RBFOX1: variants seen among roughly 807,000 people sequenced by gnomAD.
RBFOX1 encodes RNA binding fox-1 homolog 1.
Under a neutral mutation model 57.7 loss-of-function variants are expected in RBFOX1, and 8 were observed. The observed-to-expected ratio is 0.14, with a 90% CI of 0.08 to 0.25. RBFOX1 has a LOEUF of 0.25. Ranked by LOEUF, RBFOX1 falls within the 10% of genes least tolerant of loss-of-function variation. The pLI, the probability that RBFOX1 is intolerant of heterozygous loss-of-function variation, is 1.00. For synonymous variants in RBFOX1, 326 were observed against 222.4 expected, an observed-to-expected ratio of 1.47 and a Z score of -4.15; for missense variants, 611 against 548.5, an observed-to-expected ratio of 1.11 and a Z score of -1.14.
chr16:6,655,947 G>A (rs374858203), intron 3 of RBFOX1, among the ~76,000 whole-genome samples: 4 of 152,196 alleles, frequency 2.6e-5, no homozygotes, highest in Admixed American at 6.5e-5. Context: ...ATTTTAGGGA[G>A]TGTTAATCTC....
chr16:6,359,237 T>C (rs2087953924), intron 2 of RBFOX1, among the ~76,000 whole-genome samples: 3 of 151,946 alleles, frequency 2.0e-5, no homozygotes, highest in Non-Finnish European at 2.9e-5. Context: ...GGATGACGGG[T>C]GTGTACCACC....
intron 1 of RBFOX1, among the ~76,000 whole-genome samples, chr16:6,072,215 A>G (rs2095846040): frequency 6.6e-6 from 1 of 152,250 alleles, no homozygotes; most frequent in Middle Eastern, 3.4e-3. Context: ...AGAGAACAGC[A>G]TGGGGTAAAA....
At chr16:6,027,741 A>G (rs891782198) in intron 1 of RBFOX1, among the ~76,000 whole-genome samples, 2 of 152,152 alleles carry the variant, frequency 1.3e-5, no homozygotes, top group Non-Finnish European at 2.9e-5. Context: ...CTAGAATTTC[A>G]CAATCCCTTT....
intron 3 of RBFOX1, among the ~76,000 whole-genome samples, chr16:6,759,346 T>G (rs1370224435): frequency 1.3e-5 from 2 of 152,078 alleles, no homozygotes; most frequent in Non-Finnish European, 2.9e-5. Flanking sequence ...AGACAGTGTT[T>G]AGTCGTGTTG....
intron 3 of RBFOX1, among the ~76,000 whole-genome samples, chr16:6,985,140 C>G (rs564720271): frequency 2.0e-5 from 3 of 151,756 alleles, no homozygotes; most frequent in Admixed American, 6.6e-5. Context: ...ACCCTACCCT[C>G]TTCTTTCCTC....
rs528448300 is a variant in RBFOX1 at position 6,833,739 on chromosome 16, A to G, written c.-16+179089A>G. Among the ~76,000 whole-genome samples the G allele has an allele frequency of 5.9e-5, 9 of 152,316 alleles. No individual in the cohort carries two copies. In the South Asian group the frequency reaches 1.9e-3, roughly 32 times the overall value. On this transcript the variant is annotated intron_variant, in intron 3 of 15. Coordinates refer to ENST00000550418, the MANE Select transcript of RBFOX1 (RefSeq NM_018723.4). ...TCTAGATGCTATGGAATATTAAAAC[A>G]AAAAGAATTAATTTGGATGGGAAGG...
chr16:7,573,820 A>G (rs3826212), intron 5 of RBFOX1, among the ~76,000 whole-genome samples: 46,474 of 151,060 alleles, frequency 0.31, 8,583 homozygotes, highest in East Asian at 0.52. Flanking sequence ...GGGCAACAGA[A>G]CAAGACTCTG....
intron 4 of RBFOX1, among the ~76,000 whole-genome samples, chr16:7,395,175 T>TC (rs397855482): frequency 7.2e-5 from 11 of 151,870 alleles, no homozygotes; most frequent in Admixed American, 5.2e-4. Flanking sequence ...TTTTTTTTTT[T>TC]CCCTGACAGC....
At chr16:6,600,925 A>G (rs1008912928) in intron 2 of RBFOX1, among the ~76,000 whole-genome samples, 4 of 152,350 alleles carry the variant, frequency 2.6e-5, no homozygotes, top group South Asian at 2.1e-4. Context: ...AAAGTCCCTC[A>G]GGTGATACTC....
chr16:5,455,050 T>A (rs2068588217), intron 1 of RBFOX1, among the ~76,000 whole-genome samples: 1 of 148,924 alleles, frequency 6.7e-6, no homozygotes, highest in African/African-American at 2.5e-5. Context: ...TCTCTTTCTT[T>A]CTTTCTCTGT....
intron 3 of RBFOX1, chr16:6,774,146 C>G (rs1415336559): frequency 5.1e-5 from 18 of 351,040 alleles, no homozygotes; most frequent in Non-Finnish European, 6.4e-5. Context: ...GACCGGCACT[C>G]TGGGAAGGCA....
At chr16:5,945,961 C>A (rs762129165) in intron 4 of RBFOX1, among the ~76,000 whole-genome samples, 2 of 152,182 alleles carry the variant, frequency 1.3e-5, no homozygotes, top group Non-Finnish European at 2.9e-5. Context: ...CCTTTCAAGC[C>A]GCTCTGAGTC....
At chr16:7,481,536 T>G (rs1296366760) in intron 4 of RBFOX1, among the ~76,000 whole-genome samples, 1 of 152,230 alleles carries the variant, frequency 6.6e-6, no homozygotes, top group Non-Finnish European at 1.5e-5. Flanking sequence ...GCTGCTAGGC[T>G]GATTTGAAAG....
intron 4 of RBFOX1, among the ~76,000 whole-genome samples, chr16:5,997,441 C>A (rs1025006235): frequency 8.5e-5 from 13 of 152,272 alleles, no homozygotes; most frequent in African/African-American, 2.9e-4. Flanking sequence ...AAATCCAGAG[C>A]TTAACCACAT....
chr16:6,788,866 G>A (rs1301329325), intron 3 of RBFOX1, among the ~76,000 whole-genome samples: 2 of 152,104 alleles, frequency 1.3e-5, no homozygotes, highest in East Asian at 1.9e-4. Context: ...TCACTTCTGA[G>A]AAATACTGTC....
intron 1 of RBFOX1, among the ~76,000 whole-genome samples, chr16:6,061,512 G>A (rs867938676): frequency 6.6e-6 from 1 of 151,010 alleles, no homozygotes; most frequent in South Asian, 2.1e-4. Context: ...ATAGTATATT[G>A]TTACAAATAT....
intron 3 of RBFOX1, among the ~76,000 whole-genome samples, chr16:6,825,535 G>A (rs2092010303): frequency 6.6e-6 from 1 of 152,124 alleles, no homozygotes; most frequent in African/African-American, 2.4e-5. Flanking sequence ...ACAGTCTTTT[G>A]ATATTGAAGG....
At chr16:7,215,464 T>C (rs7202558) in intron 4 of RBFOX1, among the ~76,000 whole-genome samples, 13,759 of 152,194 alleles carry the variant, frequency 0.09, 843 homozygotes, top group Non-Finnish European at 0.13. Flanking sequence ...GTAGCACATA[T>C]ACACCATGGA....
chr16:6,383,777 A>G (rs1312324942), intron 2 of RBFOX1, among the ~76,000 whole-genome samples: 1 of 152,076 alleles, frequency 6.6e-6, no homozygotes, highest in Non-Finnish European at 1.5e-5. Context: ...CTTGGAAAAA[A>G]AAAAAGAAAA....
Sources: allele counts gnomAD v4.1 joint callset (sites outside exome capture counted in the v4.1 genomes callset), GRCh38; gene constraint gnomAD v4.1.1; transcripts MANE v1.5; gene names NCBI Gene and HGNC (gene_info 2026-07-23, HGNC 2026-07-21).